Variants in COL13A1 observed in about 807,000 individuals in gnomAD.
The protein encoded by COL13A1 is collagen alpha-1(XIII) chain.
In COL13A1, 89 loss-of-function variants were observed where a neutral mutation model predicts 130.9. The ratio of observed to expected loss-of-function variants is 0.68; its 90% CI spans 0.57 to 0.81. COL13A1 has a LOEUF of 0.81. Among genes scored for constraint, COL13A1 ranks in the 30% least tolerant of loss-of-function variants. COL13A1 has a pLI of 0.00. For synonymous variants in COL13A1, 402 were observed against 341.6 expected (o/e 1.18, Z -1.95); for missense variants, 879 against 934.6 (o/e 0.94, Z 0.78).
intron 10 of COL13A1, among the ~76,000 whole-genome samples, chr10:69,892,869 C>G (rs766221612): frequency 6.6e-6 from 1 of 152,188 alleles, no homozygotes; most frequent in Non-Finnish European, 1.5e-5. Context: ...ATGAAGACCA[C>G]GATTGTCCCC....
At chr10:69,957,675 C>T (rs1240531733) in intron 40 of COL13A1, among the ~76,000 whole-genome samples, 2 of 152,212 alleles carry the variant, frequency 1.3e-5, no homozygotes, top group African/African-American at 4.8e-5. Context: ...TGTGATCGCC[C>T]CATTCAACCA....
chr10:69,876,222 A>G (rs908205236), intron 5 of COL13A1, among the ~76,000 whole-genome samples: 2 of 152,254 alleles, frequency 1.3e-5, no homozygotes, highest in Non-Finnish European at 2.9e-5. Flanking sequence ...ACCAAGGCTC[A>G]GAAGCTAACT....
intron 17 of COL13A1, among the ~76,000 whole-genome samples, chr10:69,907,639 C>A: frequency 6.6e-6 from 1 of 151,740 alleles, no homozygotes; most frequent in African/African-American, 2.4e-5. Flanking sequence ...CCCACAATAA[C>A]TAACCCACTC....
intron 2 of COL13A1, among the ~76,000 whole-genome samples, chr10:69,830,848 T>C (rs1322032791): frequency 6.6e-6 from 1 of 152,210 alleles, no homozygotes; most frequent in Non-Finnish European, 1.5e-5. Flanking sequence ...TAGGACATTT[T>C]ATCGTCCCAA....
intron 35 of COL13A1, among the ~76,000 whole-genome samples, chr10:69,942,261 C>T (rs1472786557): frequency 6.6e-6 from 1 of 152,162 alleles, no homozygotes; most frequent in African/African-American, 2.4e-5. Context: ...CTTCAGAGCC[C>T]CCCACCTCCC....
intron 17 of COL13A1, among the ~76,000 whole-genome samples, chr10:69,911,975 G>A (rs550079290): frequency 6.6e-5 from 10 of 152,306 alleles, no homozygotes; most frequent in South Asian, 4.1e-4. Context: ...TGAGTGCTCC[G>A]TGCAGATGGA....
At position 69,933,176 on chromosome 10, in the gene COL13A1, T is replaced by C. The variant is rs188308456; in HGVS notation, c.1728+572T>C. The stretch of plus-strand genomic sequence containing the variant: ...AAAAAAAAAAAAAAAAACAGAACCA[T>C]CCCTCCACAGCTCACAATACCCCAT... On this transcript the variant is annotated intron_variant, in intron 31 of 40. Coordinates refer to ENST00000645393, the MANE Select transcript of COL13A1 (RefSeq NM_001368882.1). Among the ~76,000 whole-genome samples the C allele has an allele frequency of 6.8e-4, 69 of 102,080 alleles. No individual in the cohort carries two copies. In the East Asian group the frequency reaches 0.019, roughly 29 times the overall value. The allele number at this position is 102,080 out of a possible 152,430, so 67.0% of individuals were successfully genotyped here.
chr10:69,951,863 C>T (rs990135733), intron 38 of COL13A1, among the ~76,000 whole-genome samples: 5 of 152,182 alleles, frequency 3.3e-5, no homozygotes, highest in Admixed American at 6.5e-5. Context: ...GTTAGATAAT[C>T]CCCCTTCCAT....
intron 17 of COL13A1, among the ~76,000 whole-genome samples, chr10:69,915,759 A>G (rs557173845): frequency 2.0e-5 from 3 of 152,326 alleles, no homozygotes; most frequent in South Asian, 2.1e-4. Context: ...CCAGACAAGA[A>G]CTGGGTGCTC....
intron 5 of COL13A1, among the ~76,000 whole-genome samples, chr10:69,875,600 A>G (rs2059497057): frequency 6.6e-6 from 1 of 152,194 alleles, no homozygotes; most frequent in Admixed American, 6.5e-5. Flanking sequence ...GTAGACAGAG[A>G]TGCACTAAGA....
At chr10:69,937,920 G>A (rs751821122) in intron 34 of COL13A1, among the ~76,000 whole-genome samples, 14 of 152,240 alleles carry the variant, frequency 9.2e-5, no homozygotes, top group African/African-American at 3.1e-4. Context: ...GCTGGGGAAA[G>A]GCAATGCTGA....
At chr10:69,916,730 A>T (rs941621970) in intron 17 of COL13A1, among the ~76,000 whole-genome samples, 18 of 152,214 alleles carry the variant, frequency 1.2e-4, no homozygotes, top group African/African-American at 3.6e-4. Flanking sequence ...TGGGGTGCAG[A>T]TAAATGGGCA....
intron 28 of COL13A1, among the ~76,000 whole-genome samples, 157 bp from the exon 29 acceptor site, chr10:69,929,886 C>G (rs966757235): frequency 1.3e-5 from 2 of 152,210 alleles, no homozygotes; most frequent in African/African-American, 4.8e-5. Context: ...AGAAGAGAGG[C>G]AATGCAAATT....
chr10:69,868,918 G>C (rs924978933), intron 3 of COL13A1, among the ~76,000 whole-genome samples: 1 of 152,154 alleles, frequency 6.6e-6, no homozygotes, highest in African/African-American at 2.4e-5. Context: ...CTGCCATATA[G>C]AGCTTTCACC....
intron 1 of COL13A1, among the ~76,000 whole-genome samples, chr10:69,811,939 T>C (rs911637052): frequency 9.9e-5 from 15 of 152,044 alleles, no homozygotes; most frequent in Admixed American, 2.0e-4. Context: ...TGCCCACACC[T>C]TCTCAGCCTC....
At position 69,872,192 on chromosome 10, in the gene COL13A1, T is replaced by C. The variant is rs371909049; in HGVS notation, c.381T>C (p.Thr127=). 2 of 1,613,970 alleles carry C rather than the reference T, an allele frequency of 1.2e-6. No homozygotes were observed. The highest frequency in any genetic ancestry group is 1.3e-5 in the African/African-American group (1 of 74,950). Residue 127 remains threonine (T), a synonymous_variant, in exon 4 of 41, where the codon ACT becomes ACC. Coordinates refer to ENST00000645393, the MANE Select transcript of COL13A1 (RefSeq NM_001368882.1). ...CNCPPGPPGP[T]GRPGLPGDKG... ...GTCACTCTTCATTTCAGGGTCCCAC[T>C]GGAAGACCCGGACTCCCAGTAAGTC...
At chr10:69,810,313 G>T (rs1443785994) in intron 1 of COL13A1, among the ~76,000 whole-genome samples, 1 of 148,688 alleles carries the variant, frequency 6.7e-6, no homozygotes, top group Non-Finnish European at 1.5e-5. Context: ...TCGGGTGATC[G>T]TGTTCTGCGG....
chr10:69,876,048 GCCGGTGCT>G (rs1295017804), intron 5 of COL13A1, among the ~76,000 whole-genome samples: 2 of 152,232 alleles, frequency 1.3e-5, no homozygotes, highest in African/African-American at 4.8e-5. Flanking sequence ...GTGTGAGTCT[GCCGGTGCT>G]CAGAGGTTGA....
At chr10:69,913,230 C>T (rs1409860157) in intron 17 of COL13A1, among the ~76,000 whole-genome samples, 3 of 152,178 alleles carry the variant, frequency 2.0e-5, no homozygotes, top group Admixed American at 6.5e-5. Context: ...ACACCATGCA[C>T]GTGGCCAAGA....
Sources: allele counts gnomAD v4.1 joint callset (sites outside exome capture counted in the v4.1 genomes callset), GRCh38; gene constraint gnomAD v4.1.1; transcripts MANE v1.5; gene names NCBI Gene and HGNC (gene_info 2026-07-23, HGNC 2026-07-21).